DIP2C: variants seen among roughly 807,000 people sequenced by gnomAD.
DIP2C encodes the protein disco-interacting protein 2 homolog C.
In DIP2C, 33 loss-of-function variants were observed where a neutral mutation model predicts 192.4. The observed-to-expected ratio is 0.17, with a 90% CI of 0.13 to 0.23. The LOEUF (loss-of-function observed/expected upper bound fraction) is 0.23, where lower values mean the gene tolerates loss of function less well. DIP2C is among the 10% of genes least tolerant of loss of function. DIP2C has a pLI of 1.00. For missense variants in DIP2C, 1,537 were observed against 2,110.1 expected (o/e 0.73, Z 5.32); for synonymous variants, 979 against 864.1 (o/e 1.13, Z -2.33).
chr10:528,322 C>T (rs928326200), intron 1 of DIP2C, among the ~76,000 whole-genome samples: 2 of 151,936 alleles, frequency 1.3e-5, no homozygotes, highest in African/African-American at 4.8e-5. Flanking sequence ...ATGCAGACCG[C>T]CCACAGCTCC....
chr10:448,773 T>A (rs1968575456), intron 3 of DIP2C, among the ~76,000 whole-genome samples: 1 of 145,816 alleles, frequency 6.9e-6, no homozygotes, highest in Non-Finnish European at 1.5e-5. Flanking sequence ...CTCACCCCTG[T>A]CGATACTCAG....
chr10:623,462 G>A (rs771213745), intron 1 of DIP2C, among the ~76,000 whole-genome samples: 4 of 148,182 alleles, frequency 2.7e-5, no homozygotes, highest in Non-Finnish European at 6.0e-5. Flanking sequence ...GGGGCTGAGG[G>A]GAGGAGGGGA....
At chr10:586,434 CCT>C (rs1851028311) in intron 1 of DIP2C, among the ~76,000 whole-genome samples, 1 of 152,122 alleles carries the variant, frequency 6.6e-6, no homozygotes, top group Non-Finnish European at 1.5e-5. Flanking sequence ...CGCCACCACC[CCT>C]CACTACTTCA....
intron 32 of DIP2C, among the ~76,000 whole-genome samples, chr10:288,973 C>A (rs1955318888): frequency 6.6e-6 from 1 of 152,218 alleles, no homozygotes; most frequent in Non-Finnish European, 1.5e-5. Flanking sequence ...TTAAGAACTG[C>A]CAAGGACATC....
At chr10:551,440 T>C (rs997513456) in intron 1 of DIP2C, among the ~76,000 whole-genome samples, 1 of 152,116 alleles carries the variant, frequency 6.6e-6, no homozygotes, top group African/African-American at 2.4e-5. Context: ...GCACTCGGCT[T>C]CTCCTGGCCC....
chr10:559,453 G>A (rs1371908709), intron 1 of DIP2C, among the ~76,000 whole-genome samples: 1 of 152,112 alleles, frequency 6.6e-6, no homozygotes, highest in East Asian at 1.9e-4. Flanking sequence ...AAAAGCCCAG[G>A]GCCTGGACTC....
rs557681869 is a variant in DIP2C at position 313,817 on chromosome 10, T to G, written c.3925-3725A>C. ...AAATGAGTTATATTTAAATCTCAGG[T>G]GAAGATATACAGACTCACACCCCAA... On this transcript the variant is annotated intron_variant, in intron 31 of 36. Transcript: ENST00000280886. Among the ~76,000 whole-genome samples the G allele has an allele frequency of 1.7e-3, 259 of 152,332 alleles. 1 individual carries two copies. The highest frequency in any genetic ancestry group is 2.9e-3 in the Non-Finnish European group (200 of 68,036).
At chr10:462,740 G>C (rs564036730) in intron 3 of DIP2C, among the ~76,000 whole-genome samples, 1 of 152,116 alleles carries the variant, frequency 6.6e-6, no homozygotes, top group African/African-American at 2.4e-5. Context: ...ATGTCAGGCC[G>C]ATATCCCTGA....
intron 1 of DIP2C, among the ~76,000 whole-genome samples, chr10:561,511 C>A (rs987351984): frequency 6.6e-6 from 1 of 152,190 alleles, no homozygotes; most frequent in Non-Finnish European, 1.5e-5. Context: ...TTCCTCAAGG[C>A]TTTTGGCTGT....
chr10:507,635 A>C (rs1486299423), intron 1 of DIP2C, among the ~76,000 whole-genome samples: 1 of 152,208 alleles, frequency 6.6e-6, no homozygotes, highest in Non-Finnish European at 1.5e-5. Flanking sequence ...TTCCTTCAAA[A>C]CTTGAAATCT....
At chr10:372,002 C>G (rs1961017749) in intron 17 of DIP2C, among the ~76,000 whole-genome samples, 1 of 151,980 alleles carries the variant, frequency 6.6e-6, no homozygotes, top group Non-Finnish European at 1.5e-5. Flanking sequence ...CGGGCAAGGG[C>G]CGGAAGGGAA....
At position 351,153 on chromosome 10, in the gene DIP2C, G is replaced by A. The variant is rs536521317; in HGVS notation, c.2986-1699C>T. Among the ~76,000 whole-genome samples the A allele has an allele frequency of 7.2e-5, 11 of 152,310 alleles. 1 individual carries two copies. Among genetic ancestry groups the A allele is most frequent in the East Asian group, 5.8e-4 (3 of 5,178 alleles). ...GGGAGAGAGGCCCAGAGGGGCTTGC[G>A]GGTAGCCGAGTTAGTGCAACCAAAA... On this transcript the variant is annotated intron_variant, in intron 24 of 36. Coordinates refer to ENST00000280886, the MANE Select transcript of DIP2C (RefSeq NM_014974.3).
At chr10:328,592 C>T (rs897097358) in intron 30 of DIP2C, among the ~76,000 whole-genome samples, 1 of 4,914 alleles carries the variant, frequency 2.0e-4, no homozygotes, top group Non-Finnish European at 2.0e-3. Context: ...TAACTTTTTC[C>T]TATATAAAAA....
chr10:573,340 GAC>G (rs1183710749), intron 1 of DIP2C, among the ~76,000 whole-genome samples: 4 of 152,176 alleles, frequency 2.6e-5, no homozygotes, highest in Middle Eastern at 3.2e-3. Flanking sequence ...GCTAATAAAA[GAC>G]AAACATAACT....
intron 1 of DIP2C, among the ~76,000 whole-genome samples, chr10:674,084 A>C (rs1046150210): frequency 6.6e-6 from 1 of 152,310 alleles, no homozygotes; most frequent in South Asian, 2.1e-4. Flanking sequence ...ACAAGTAACT[A>C]AGTGAGAAAA....
At chr10:488,381 A>G (rs527893324) in intron 1 of DIP2C, among the ~76,000 whole-genome samples, 6 of 152,216 alleles carry the variant, frequency 3.9e-5, no homozygotes, top group Admixed American at 6.5e-5. Flanking sequence ...CCCAAAGATG[A>G]AAGTGTTTAA....
At chr10:603,235 G>A (rs929608745) in intron 1 of DIP2C, among the ~76,000 whole-genome samples, 1 of 147,196 alleles carries the variant, frequency 6.8e-6, no homozygotes, top group Non-Finnish European at 1.5e-5. Context: ...GGGGGCGGGG[G>A]TTGCAGTGAG....
intron 24 of DIP2C, 68 bp from the exon 25 acceptor site, chr10:349,522 C>A (rs1958689703): frequency 1.9e-6 from 3 of 1,557,972 alleles, no homozygotes; most frequent in Non-Finnish European, 2.6e-6. Flanking sequence ...AGAGCGCGCA[C>A]GCGTCATACA....
At chr10:597,994 G>A (rs887238384) in intron 1 of DIP2C, among the ~76,000 whole-genome samples, 3 of 152,210 alleles carry the variant, frequency 2.0e-5, no homozygotes, top group Admixed American at 6.5e-5. Context: ...TGGGGCTGAC[G>A]TGGCTTCATG....
Sources: gnomAD v4.1 joint callset for allele counts (sites outside exome capture counted in the v4.1 genomes callset) on GRCh38, gnomAD v4.1.1 for gene constraint, MANE v1.5 for transcripts, NCBI Gene and HGNC (gene_info 2026-07-23, HGNC 2026-07-21) for gene names.